The following FAM199X variants were observed in gnomAD, a reference collection of about 807,000 sequenced individuals.
FAM199X encodes the protein protein FAM199X.
Under a neutral mutation model 22.9 loss-of-function variants are expected in FAM199X, and 4 were observed. The ratio of observed to expected loss-of-function variants is 0.17; its 90% CI spans 0.09 to 0.40. The LOEUF (loss-of-function observed/expected upper bound fraction) is 0.40. Ranked by LOEUF, FAM199X falls within the 10% of genes least tolerant of loss-of-function variation. The probability of loss-of-function intolerance (pLI) is 1.00; values close to 1 mark genes in which losing one functional copy is unlikely to be tolerated. For missense variants in FAM199X, 183 were observed against 306.8 expected, an observed-to-expected ratio of 0.60 and a Z score of 3.01; for synonymous variants, 101 against 112.3, an observed-to-expected ratio of 0.90 and a Z score of 0.64.
chrX:104,178,449 A>C (rs1375746545), intron 2 of FAM199X, among the ~76,000 whole-genome samples: 2 of 111,014 alleles, frequency 1.8e-5, no homozygotes, highest in Non-Finnish European at 3.8e-5. Context: ...TTACAGGTGC[A>C]TTCTTTCCTT....
intron 2 of FAM199X, among the ~76,000 whole-genome samples, chrX:104,178,911 T>C (rs1441224265): frequency 9.0e-6 from 1 of 111,503 alleles, no homozygotes; most frequent in Non-Finnish European, 1.9e-5. Context: ...GTAGATAGCT[T>C]GAGCCCAGGA....
chrX:104,170,480 C>T (rs1383984486), intron 1 of FAM199X, among the ~76,000 whole-genome samples: 4 of 111,173 alleles, frequency 3.6e-5, no homozygotes, highest in African/African-American at 1.3e-4. Flanking sequence ...CTACAGGTTA[C>T]AAAGGTTGAG....
Position 104,189,913 on chromosome X carries a change from A to G in FAM199X, c.*135A>G. The G allele has an allele frequency of 1.7e-6, 1 of 604,882 alleles. No individual in the cohort carries two copies. Among genetic ancestry groups the G allele is most frequent in the Non-Finnish European group, 2.5e-6 (1 of 397,448 alleles). 49.8% of individuals were successfully genotyped at this position (604,882 alleles called of 1,213,427 possible). A position where few individuals can be genotyped will look rare whatever the true frequency, so the allele number is the denominator to read the frequency against. ...ATAATTTAAGCCAGTGGTTCTTGGC[A>G]GGTGATCCCAAGACCTGCAGCTTCA... On this transcript the variant is annotated 3_prime_UTR_variant, in exon 6 of 6. Transcript: ENST00000493442.
chrX:104,158,139 A>G, the FAM199X span, among the ~76,000 whole-genome samples: 1 of 112,191 alleles, frequency 8.9e-6, no homozygotes, highest in African/African-American at 3.2e-5. Flanking sequence ...TTTCTCAAAT[A>G]TCACTGAGAA....
upstream of FAM199X, among the ~76,000 whole-genome samples, chrX:104,164,302 A>G (rs1350888108): frequency 1.8e-5 from 2 of 111,998 alleles, no homozygotes; most frequent in Admixed American, 1.9e-4. Flanking sequence ...GCAACCCTTC[A>G]TTTGTTTAGG....
rs1556380958 is a variant in FAM199X at position 104,193,636 on chromosome X, C to A, written c.*3858C>A. ...TTGGGACAATTAATAGGAAAATCCC[C>A]AGTTGCATTCAAATAATAGTGTTGA... On this transcript the variant is annotated 3_prime_UTR_variant, in exon 6 of 6. Coordinates refer to ENST00000493442, the MANE Select transcript of FAM199X (RefSeq NM_207318.4). 9.0e-6 allele frequency: 1 copy of A among 111,692 alleles called. No homozygotes were observed. The highest frequency in any genetic ancestry group is 3.2e-5 in the African/African-American group (1 of 30,798). 9.2% of individuals were successfully genotyped at this position (111,692 alleles called of 1,213,427 possible).
upstream of FAM199X, among the ~76,000 whole-genome samples, chrX:104,165,784 A>G (rs1556373630): frequency 9.0e-6 from 1 of 111,388 alleles, no homozygotes; most frequent in Non-Finnish European, 1.9e-5. Context: ...TATATTTTCT[A>G]CGGGAGGGAG....
upstream of FAM199X, among the ~76,000 whole-genome samples, chrX:104,166,427 C>T (rs912182921): frequency 9.0e-6 from 1 of 111,544 alleles, no homozygotes; most frequent in East Asian, 2.9e-4. Flanking sequence ...CCTTCCCCTC[C>T]TTGCGGGCGC....
intron 1 of FAM199X, among the ~76,000 whole-genome samples, chrX:104,169,339 G>A (rs1269816139): frequency 8.9e-6 from 1 of 112,125 alleles, no homozygotes; most frequent in East Asian, 2.8e-4. Flanking sequence ...TTGGAAGTAG[G>A]AAGCTTGTTA....
rs1921955441 is a variant in FAM199X, at chrX:104,192,128, C to G, written c.*2350C>G. On this transcript the variant is annotated 3_prime_UTR_variant, in exon 6 of 6. Transcript: ENST00000493442. The stretch of plus-strand genomic sequence containing the variant: ...GGAGATTAGATAGTCCTCTGTCCCC[C>G]CAAAAAAGAAACTAGCAGAGAAAGA... The G allele has an allele frequency of 9.0e-6, 1 of 111,241 alleles. No homozygotes were observed. The highest frequency in any genetic ancestry group is 1.9e-5 in the Non-Finnish European group (1 of 52,853). 9.2% of individuals were successfully genotyped at this position (111,241 alleles called of 1,213,427 possible).
chrX:104,164,697 A>G (rs1921113650), upstream of FAM199X, among the ~76,000 whole-genome samples: 1 of 110,429 alleles, frequency 9.1e-6, no homozygotes. Flanking sequence ...CCTGGCAAAC[A>G]TGGCAAAACC....
intron 1 of FAM199X, among the ~76,000 whole-genome samples, chrX:104,174,634 G>C (rs575786643): frequency 3.2e-4 from 36 of 111,363 alleles, no homozygotes; most frequent in Middle Eastern, 4.7e-3. Flanking sequence ...AATAAATTAT[G>C]ATACATTTAG....
Position 104,190,135 on chromosome X carries a change from G to A in FAM199X, c.*357G>A, listed in dbSNP as rs184513296. The A allele has an allele frequency of 0.025, 3,931 of 155,816 alleles. 54 individuals carry two copies. The highest frequency in any genetic ancestry group is 0.038 in the Non-Finnish European group (3,054 of 81,422). The allele number at this position is 155,816 out of a possible 1,213,427, so 12.8% of individuals were successfully genotyped here. On this transcript the variant is annotated 3_prime_UTR_variant, in exon 6 of 6. Coordinates refer to ENST00000493442, the MANE Select transcript of FAM199X (RefSeq NM_207318.4). ...TAAAGTTTATGGCGGTGAAGTGGGC[G>A]TCTTCAAAGACTAGTACTTACACAG...
upstream of FAM199X, among the ~76,000 whole-genome samples, chrX:104,162,699 T>C (rs1556372893): frequency 8.9e-6 from 1 of 112,120 alleles, no homozygotes; most frequent in Non-Finnish European, 1.9e-5. Context: ...CAATAAGTAA[T>C]GTAGGAACGT....
In FAM199X at chrX:104,190,971, TTTC is replaced by T. The variant is rs782736590; in HGVS notation, c.*1198_*1200del. ...GAACATTAGAAATAGCATTATTCCT[TTTC>T]TTCTACCACATGTCTTGAACATTCA... is the stretch of plus-strand genomic sequence containing the variant. On this transcript the variant is annotated 3_prime_UTR_variant, in exon 6 of 6. Coordinates refer to ENST00000493442, the MANE Select transcript of FAM199X (RefSeq NM_207318.4). The T allele has an allele frequency of 1.8e-5, 2 of 111,987 alleles. No homozygotes were observed. Among genetic ancestry groups the T allele is most frequent in the South Asian group, 7.3e-4 (2 of 2,725 alleles). 9.2% of individuals were successfully genotyped at this position (111,987 alleles called of 1,213,427 possible).
intron 2 of FAM199X, among the ~76,000 whole-genome samples, chrX:104,184,893 A>G (rs1242059238): frequency 1.9e-5 from 2 of 106,537 alleles, no homozygotes; most frequent in African/African-American, 3.4e-5. Context: ...CGATCCTTAC[A>G]TCTCAGACCA....
chrX:104,185,561 C>T (rs1921779686), intron 2 of FAM199X, among the ~76,000 whole-genome samples: 1 of 111,893 alleles, frequency 8.9e-6, no homozygotes, highest in South Asian at 3.7e-4. Context: ...ATAAAATAGG[C>T]ATGGATCAGA....
intron 1 of FAM199X, among the ~76,000 whole-genome samples, chrX:104,170,230 A>G (rs950643329): frequency 8.9e-6 from 1 of 112,168 alleles, no homozygotes; most frequent in Admixed American, 9.4e-5. Flanking sequence ...ACCATTAACC[A>G]GAAAAACCTA....
At chrX:104,180,468 T>C (rs1921623413) in intron 2 of FAM199X, among the ~76,000 whole-genome samples, 2 of 110,888 alleles carry the variant, frequency 1.8e-5, no homozygotes, top group South Asian at 7.7e-4. Context: ...GCAGGCATTT[T>C]TAAATTTTAA....
Sources: allele counts gnomAD v4.1 joint callset (sites outside exome capture counted in the v4.1 genomes callset), GRCh38; gene constraint gnomAD v4.1.1; transcripts MANE v1.5; gene names NCBI Gene and HGNC (gene_info 2026-07-23, HGNC 2026-07-21).